KCNIP4: variants seen among roughly 807,000 people sequenced by gnomAD.
KCNIP4 encodes Kv channel-interacting protein 4.
Under a neutral mutation model 34.0 loss-of-function variants are expected in KCNIP4, and 12 were observed. The observed-to-expected ratio is 0.35, with a 90% CI of 0.23 to 0.57. The LOEUF is 0.57. Ranked by LOEUF, KCNIP4 falls within the 20% of genes least tolerant of loss-of-function variation. The pLI is 0.83. For synonymous variants in KCNIP4, 124 were observed against 102.2 expected, an observed-to-expected ratio of 1.21 and a Z score of -1.29; for missense variants, 238 against 311.7, an observed-to-expected ratio of 0.76 and a Z score of 1.78.
intron 1 of KCNIP4, among the ~76,000 whole-genome samples, chr4:21,520,496 T>A (rs1050082718): frequency 1.3e-5 from 2 of 152,148 alleles, no homozygotes; most frequent in African/African-American, 2.4e-5. Context: ...AAGAGCTACA[T>A]CATACTCAAG....
At chr4:21,491,875 A>C (rs530188821) in intron 1 of KCNIP4, among the ~76,000 whole-genome samples, 2 of 152,320 alleles carry the variant, frequency 1.3e-5, no homozygotes, top group South Asian at 4.1e-4. Flanking sequence ...AACCCAGGGG[A>C]ATATCTTAGA....
At chr4:21,317,475 T>C (rs35356814) in intron 1 of KCNIP4, among the ~76,000 whole-genome samples, 10,986 of 152,164 alleles carry the variant, frequency 0.072, 436 homozygotes, top group Middle Eastern at 0.12. Flanking sequence ...AAACTAAGGA[T>C]TTTTCAAGGG....
At chr4:21,938,693 C>T (rs951459089) in intron 1 of KCNIP4, among the ~76,000 whole-genome samples, 2 of 152,094 alleles carry the variant, frequency 1.3e-5, no homozygotes, top group East Asian at 3.9e-4. Flanking sequence ...CTACTGATAT[C>T]CTTCATTAAG....
At chr4:20,981,853 ATGTT>A (rs1736098613) in intron 1 of KCNIP4, among the ~76,000 whole-genome samples, 1 of 152,190 alleles carries the variant, frequency 6.6e-6, no homozygotes, top group Non-Finnish European at 1.5e-5. Context: ...CTCTATGTGT[ATGTT>A]TGTGTGTGTA....
chr4:20,835,793 C>A (rs911142910), intron 3 of KCNIP4, among the ~76,000 whole-genome samples: 7 of 152,236 alleles, frequency 4.6e-5, no homozygotes, highest in Middle Eastern at 3.4e-3. Context: ...CAGTTTTCTG[C>A]ATCTTAGTAA....
At chr4:20,788,781 T>C (rs1712340228) in intron 3 of KCNIP4, among the ~76,000 whole-genome samples, 1 of 152,126 alleles carries the variant, frequency 6.6e-6, no homozygotes, top group Non-Finnish European at 1.5e-5. Context: ...ATGTAGTTGG[T>C]GAATTCAGAG....
At chr4:21,192,741 T>TA (rs1243064449) in intron 1 of KCNIP4, among the ~76,000 whole-genome samples, 7 of 151,768 alleles carry the variant, frequency 4.6e-5, no homozygotes, top group Admixed American at 3.9e-4. Flanking sequence ...TGAAAAGAAA[T>TA]AAAAAAATTC....
chr4:20,968,472 G>A (rs1294982965), intron 1 of KCNIP4, among the ~76,000 whole-genome samples: 1 of 152,046 alleles, frequency 6.6e-6, no homozygotes, highest in Non-Finnish European at 1.5e-5. Context: ...AAAGACACAT[G>A]CACACATATG....
At chr4:21,311,334 C>T (rs13151688) in intron 1 of KCNIP4, among the ~76,000 whole-genome samples, 57,118 of 152,000 alleles carry the variant, frequency 0.38, 10,899 homozygotes, top group South Asian at 0.45. Context: ...ACCCATGAAG[C>T]TGACCACCAT....
chr4:21,234,146 A>G (rs1277278293), intron 1 of KCNIP4, among the ~76,000 whole-genome samples: 1 of 117,206 alleles, frequency 8.5e-6, no homozygotes, highest in Non-Finnish European at 1.6e-5. Flanking sequence ...TATATTATAT[A>G]TAACATATAT....
At chr4:21,749,636 G>C (rs186378572) in intron 1 of KCNIP4, among the ~76,000 whole-genome samples, 34 of 152,148 alleles carry the variant, frequency 2.2e-4, no homozygotes, top group Non-Finnish European at 4.7e-4. Context: ...AATGAGACCC[G>C]TCATTCTTGG....
intron 1 of KCNIP4, among the ~76,000 whole-genome samples, chr4:21,029,599 A>G (rs1425553555): frequency 6.6e-6 from 1 of 152,214 alleles, no homozygotes; most frequent in Non-Finnish European, 1.5e-5. Context: ...TGTAAAGTCC[A>G]AGAGTTGTCT....
At chr4:20,771,746 T>A (rs1755906163) in intron 3 of KCNIP4, among the ~76,000 whole-genome samples, 1 of 152,086 alleles carries the variant, frequency 6.6e-6, no homozygotes, top group Admixed American at 6.5e-5. Flanking sequence ...CTCGGCTCAC[T>A]GCAAGCTCCA....
At position 21,574,187 on chromosome 4, in the gene KCNIP4, C is replaced by G. The variant is rs551725746; in HGVS notation, c.61+374384G>C. 3.9e-5 allele frequency among the ~76,000 whole-genome samples: 6 copies of G among 152,080 alleles called. No homozygotes were observed. In the South Asian group the frequency reaches 1.2e-3, roughly 32 times the overall value. ...CCATGCATCTTACAAATGGTGGTGT[C>G]TTAGATTAATAAAAAAATTAATATT... On this transcript the variant is annotated intron_variant, in intron 1 of 8. Coordinates refer to ENST00000382152, the MANE Select transcript of KCNIP4 (RefSeq NM_025221.6).
Position 20,758,794 on chromosome 4 carries a change from T to C in KCNIP4, c.358+27A>G, listed in dbSNP as rs372164547. The C allele has an allele frequency of 9.6e-6, 15 of 1,565,208 alleles. No homozygotes were observed. The African/African-American group carries it at 1.8e-4, about 18-fold the overall frequency. ...AAGCATAATTGTAACTCTGATAGTA[T>C]GTTAACAAGTCCACATTTGTACTTA... On this transcript the variant is annotated intron_variant, in intron 4 of 8. Transcript: ENST00000382152.
At chr4:21,825,935 T>C (rs559461982) in intron 1 of KCNIP4, among the ~76,000 whole-genome samples, 4 of 152,220 alleles carry the variant, frequency 2.6e-5, no homozygotes, top group African/African-American at 9.6e-5. Flanking sequence ...ACATTTAAGA[T>C]GAGACCCGAA....
intron 2 of KCNIP4, among the ~76,000 whole-genome samples, chr4:20,879,217 C>G (rs1264108249): frequency 2.0e-5 from 3 of 152,152 alleles, no homozygotes; most frequent in Non-Finnish European, 4.4e-5. Flanking sequence ...CTATCCCTGT[C>G]TCATTTCTTA....
intron 1 of KCNIP4, among the ~76,000 whole-genome samples, chr4:21,490,207 G>C (rs1426990105): frequency 6.6e-6 from 1 of 152,098 alleles, no homozygotes; most frequent in Non-Finnish European, 1.5e-5. Flanking sequence ...CATTGGGAAA[G>C]TCGTTTAGTT....
At chr4:21,289,232 G>T (rs528387648) in intron 1 of KCNIP4, among the ~76,000 whole-genome samples, 156 of 152,244 alleles carry the variant, frequency 1.0e-3, no homozygotes, top group African/African-American at 3.6e-3. Flanking sequence ...AATGTGTAAT[G>T]ATTCAATCAG....
Sources: gnomAD v4.1 joint callset for allele counts (sites outside exome capture counted in the v4.1 genomes callset) on GRCh38, gnomAD v4.1.1 for gene constraint, MANE v1.5 for transcripts, NCBI Gene and HGNC (gene_info 2026-07-23, HGNC 2026-07-21) for gene names.